The following PRRC2C variants were observed in gnomAD, a reference collection of about 807,000 sequenced individuals.
PRRC2C encodes the protein protein PRRC2C.
In PRRC2C, 72 loss-of-function variants were observed where a neutral mutation model predicts 317.2. That is an observed-to-expected ratio of 0.23 (90% CI 0.19 to 0.28). PRRC2C has a LOEUF of 0.28. Ranked by LOEUF, PRRC2C falls within the 10% of genes least tolerant of loss-of-function variation. PRRC2C has a pLI of 1.00. For synonymous variants in PRRC2C, 1,296 were observed against 1,205.9 expected, an observed-to-expected ratio of 1.07 and a Z score of -1.55; for missense variants, 3,074 against 3,459.7, an observed-to-expected ratio of 0.89 and a Z score of 2.80.
intron 1 of PRRC2C, among the ~76,000 whole-genome samples, chr1:171,495,501 A>G (rs1667940610): frequency 6.6e-6 from 1 of 152,258 alleles, no homozygotes; most frequent in Non-Finnish European, 1.5e-5. Flanking sequence ...AAATTATTTC[A>G]TATTGACCAC....
At chr1:171,561,343 C>G (rs1470865092) in intron 20 of PRRC2C, among the ~76,000 whole-genome samples, 1 of 152,166 alleles carries the variant, frequency 6.6e-6, no homozygotes, top group Admixed American at 6.5e-5. Context: ...GTCTCAGCTA[C>G]TCTGGAGCTG....
intron 19 of PRRC2C, among the ~76,000 whole-genome samples, chr1:171,560,787 T>C (rs1293730021): frequency 6.6e-6 from 1 of 152,208 alleles, no homozygotes; most frequent in Non-Finnish European, 1.5e-5. Context: ...GTGATTTGCT[T>C]TATTGCAATA....
chr1:171,580,045 T>C, intron 28 of PRRC2C, 81 bp downstream of exon 28: 1 of 1,263,320 alleles, frequency 7.9e-7, no homozygotes, highest in Non-Finnish European at 1.0e-6. Context: ...TCCATACTGT[T>C]CCTTCCCAAA....
intron 11 of PRRC2C, among the ~76,000 whole-genome samples, chr1:171,529,934 T>G (rs1249239626): frequency 6.6e-6 from 1 of 152,230 alleles, no homozygotes; most frequent in Non-Finnish European, 1.5e-5. Flanking sequence ...CCTACTGTGA[T>G]AGCTGTACAT....
At position 171,557,523 on chromosome 1, in the gene PRRC2C, C is replaced by T; in HGVS notation, c.5411C>T (p.Pro1804Leu). ...PVLASTSAPV[P>L]ASPLAPVSAS... ...CTGGCCTCAACCTCAGCTCCAGTTC[C>T]AGCCTCACCCTTAGCTCCAGTTTCA... Residue 1804 changes from proline (P) to leucine (L), a missense_variant, in exon 19 of 35, where the codon CCA becomes CTA. Pro to Leu is a moderately conservative substitution (Grantham distance 98, BLOSUM62 -3). Transcript: ENST00000647382. The T allele has an allele frequency of 1.9e-6, 3 of 1,551,634 alleles. No homozygotes were observed. The highest frequency in any genetic ancestry group is 2.6e-6 in the Non-Finnish European group (3 of 1,146,974).
In PRRC2C at chr1:171,574,947, A is replaced by G. The variant is rs1469286719; in HGVS notation, c.6774A>G (p.Ala2258=). 8.1e-6 allele frequency: 13 copies of G among 1,613,928 alleles called. No individual in the cohort carries two copies. The highest frequency in any genetic ancestry group is 4.4e-5 in the South Asian group (4 of 91,056). ...LTFKMESARK[A]WENSPNVREK... ...TGCAGATGGAGTCTGCACGCAAAGC[A>G]TGGGAGAATTCTCCAAATGTAAGGG... Residue 2258 remains alanine (A), a synonymous_variant, in exon 25 of 35, where the codon GCA becomes GCG. Transcript: ENST00000647382.
chr1:171,554,183 T>C, intron 18 of PRRC2C, among the ~76,000 whole-genome samples: 1 of 152,234 alleles, frequency 6.6e-6, no homozygotes, highest in East Asian at 1.9e-4. Flanking sequence ...TTAGAATAGT[T>C]ACCTCTTCTT....
intron 19 of PRRC2C, among the ~76,000 whole-genome samples, chr1:171,560,204 A>G (rs999674364): frequency 6.6e-6 from 1 of 152,212 alleles, no homozygotes; most frequent in African/African-American, 2.4e-5. Context: ...CAACATTAAC[A>G]GGGGTTTGGA....
chr1:171,583,139 A>C (rs1224229611), intron 28 of PRRC2C, among the ~76,000 whole-genome samples: 1 of 151,624 alleles, frequency 6.6e-6, no homozygotes, highest in Admixed American at 6.6e-5. Context: ...ATGCCCACCT[A>C]ATTTTTTATT....
intron 18 of PRRC2C, among the ~76,000 whole-genome samples, chr1:171,551,754 C>T (rs1046012024): frequency 2.0e-5 from 3 of 152,186 alleles, no homozygotes; most frequent in Admixed American, 6.5e-5. Context: ...TCAGGTTTGC[C>T]AAAAATCAGA....
intron 24 of PRRC2C, among the ~76,000 whole-genome samples, chr1:171,572,207 T>C (rs235504): frequency 0.8 from 121,850 of 152,028 alleles, 48,980 homozygotes; most frequent in Middle Eastern, 0.89. Flanking sequence ...CCAGGTTGGT[T>C]TTGAACTCTG....
chr1:171,570,635 A>G (rs1684629760), intron 23 of PRRC2C, among the ~76,000 whole-genome samples: 1 of 152,330 alleles, frequency 6.6e-6, no homozygotes, highest in Admixed American at 6.5e-5. Flanking sequence ...AAAGGCAGTG[A>G]GTTTCTAATA....
rs1251170779 is a variant in PRRC2C, at chr1:171,575,070, A to T, written c.6897A>T (p.Ser2299=). Residue 2299 remains serine (S), a synonymous_variant, in exon 25 of 35, where the codon TCA becomes TCT. Transcript: ENST00000647382. ...GCACTGCTAATTACAATTCGTTCTC[A>T]AGTGCATCCATGCCCCAGATTCCTG... The part of the protein sequence containing the change: ...GPSTANYNSF[S]SASMPQIPVA... The T allele has an allele frequency of 1.9e-6, 3 of 1,613,746 alleles. No homozygotes were observed. The highest frequency in any genetic ancestry group is 2.7e-5 in the African/African-American group (2 of 74,894).
intron 1 of PRRC2C, among the ~76,000 whole-genome samples, chr1:171,498,997 A>G (rs1165415971): frequency 6.6e-6 from 1 of 152,160 alleles, no homozygotes; most frequent in African/African-American, 2.4e-5. Context: ...TTTAGAGACC[A>G]AGATCTCTCA....
chr1:171,565,150 C>A (rs1179393385), intron 20 of PRRC2C, among the ~76,000 whole-genome samples: 2 of 152,180 alleles, frequency 1.3e-5, no homozygotes, highest in African/African-American at 2.4e-5. Flanking sequence ...GTTCCCCATA[C>A]CTGCTATGCT....
intron 18 of PRRC2C, among the ~76,000 whole-genome samples, chr1:171,552,540 C>T (rs1428076391): frequency 2.0e-5 from 3 of 152,140 alleles, no homozygotes; most frequent in Admixed American, 2.0e-4. Context: ...TGTCTTGTGC[C>T]AGTTTTCAAA....
At chr1:171,535,961 AT>A in intron 13 of PRRC2C, 67 bp from the exon 14 acceptor site, 1 of 1,513,532 alleles carries the variant, frequency 6.6e-7, no homozygotes, top group East Asian at 2.5e-5. Context: ...TTATTTTGTG[AT>A]ATGATTGATT....
Position 171,579,904 on chromosome 1 carries a change from G to A in PRRC2C, c.7349G>A (p.Gly2450Glu). 6.3e-7 allele frequency: 1 copy of A among 1,598,704 alleles called. No individual in the cohort carries two copies. The highest frequency in any genetic ancestry group is 1.1e-5 in the South Asian group (1 of 88,332). Residue 2450 changes from glycine (G) to glutamate (E), a missense_variant, in exon 28 of 35, where the codon GGG (glycine) becomes GAG (glutamate). Gly to Glu is a moderately conservative substitution (Grantham distance 98). Around this residue, in one of 11 missense-constraint regions of PRRC2C, gnomAD observed 490 missense variants for 663.1 expected, o/e 0.74. Coordinates refer to ENST00000647382, the MANE Select transcript of PRRC2C (RefSeq NM_001387844.1). ...CAGCATCAAGCCCAACTGAGTTTGGGGGCTGGCCCTGCTGTTTCCCAGGCT... is the reference window on the plus strand; with the variant it reads ...CAGCATCAAGCCCAACTGAGTTTGGAGGCTGGCCCTGCTGTTTCCCAGGCT... ...QGQHQAQLSL[G>E]AGPAVSQAQE...
chr1:171,550,966 C>T (rs189102335), intron 18 of PRRC2C, among the ~76,000 whole-genome samples: 73 of 152,244 alleles, frequency 4.8e-4, no homozygotes, highest in African/African-American at 1.7e-3. Context: ...GATTTATAAT[C>T]CTTTGGGTAT....
Sources: gnomAD v4.1 joint callset for allele counts (sites outside exome capture counted in the v4.1 genomes callset) on GRCh38, gnomAD v4.1.1 for gene constraint, gnomAD v4.1.1 regional missense constraint, MANE v1.5 for transcripts, NCBI Gene and HGNC (gene_info 2026-07-23, HGNC 2026-07-21) for gene names.